The following BCO2 variants were observed in gnomAD, a reference collection of about 807,000 sequenced individuals.
BCO2 encodes the protein carotenoid-cleaving dioxygenase, mitochondrial.
BCO2 carries 56 observed loss-of-function variants against 65.8 expected under a neutral mutation model. The observed-to-expected ratio is 0.85, with a 90% CI of 0.69 to 1.06. The LOEUF is 1.06. Ranked by LOEUF, BCO2 falls within the 50% of genes least tolerant of loss-of-function variation. The pLI, the probability that BCO2 is intolerant of heterozygous loss-of-function variation, is 0.00. For missense variants in BCO2, 675 were observed against 698.5 expected (o/e 0.97, Z 0.38); for synonymous variants, 233 against 242.3 (o/e 0.96, Z 0.36).
intron 5 of BCO2, among the ~76,000 whole-genome samples, chr11:112,199,121 C>G (rs559135226): frequency 9.1e-4 from 139 of 152,220 alleles, no homozygotes; most frequent in Middle Eastern, 3.4e-3. Context: ...TCCCCACCCC[C>G]TGAAAGGCCC....
At chr11:112,198,669 A>G (rs1174825266) in intron 5 of BCO2, among the ~76,000 whole-genome samples, 1 of 152,086 alleles carries the variant, frequency 6.6e-6, no homozygotes, top group East Asian at 1.9e-4. Context: ...CCAGTAAGCA[A>G]TAGCCAGATG....
In BCO2 at chr11:112,193,460, T is replaced by C. The variant is rs773403489; in HGVS notation, c.294-14T>C. The C allele has an allele frequency of 1.2e-6, 2 of 1,606,034 alleles. No homozygotes were observed. Among genetic ancestry groups the C allele is most frequent in the Non-Finnish European group, 1.7e-6 (2 of 1,173,142 alleles). On this transcript the variant is annotated splice_polypyrimidine_tract_variant and intron_variant, in intron 2 of 11. Coordinates refer to ENST00000357685, the MANE Select transcript of BCO2 (RefSeq NM_031938.7). ...TTTTCTTACTGATATTTATTTATTT[T>C]CTCCTGTTTGAAGGTACAATCATTG...
chr11:112,179,439 C>G lies in BCO2; in HGVS notation c.250C>G (p.Leu84Val), dbSNP rs760140618. 12 of 1,613,980 alleles carry G rather than the reference C, an allele frequency of 7.4e-6. No homozygotes were observed. The highest frequency in any genetic ancestry group is 1.6e-4 in the Middle Eastern group (1 of 6,084). Residue 84 changes from leucine (L) to valine (V), a missense_variant, in exon 2 of 12, where the codon CTA becomes GTA. By Grantham distance (32) the Leu-to-Val change is conservative. Coordinates refer to ENST00000357685, the MANE Select transcript of BCO2 (RefSeq NM_031938.7). ...TTTTCCTAAGTGGCTCAATGGCTCT[C>G]TACTTCGAATTGGACCTGGGAAATT... The part of the protein sequence containing the change: ...GHFPKWLNGS[L>V]LRIGPGKFEF...
chr11:112,179,655 T>C lies in BCO2; in HGVS notation c.293+173T>C. The stretch of plus-strand genomic sequence containing the variant: ...GAAAGGAGACTTTTTAAACAAAATG[T>C]CCTGCTTTTTCTGCTCTGTAGACTA... On this transcript the variant is annotated intron_variant, in intron 2 of 11. Coordinates refer to ENST00000357685, the MANE Select transcript of BCO2 (RefSeq NM_031938.7). 6 of 642,206 alleles carry C rather than the reference T, an allele frequency of 9.3e-6. No homozygotes were observed. In the South Asian group the frequency reaches 9.9e-5, roughly 11 times the overall value. The allele number at this position is 642,206 out of a possible 1,614,324, so 39.8% of individuals were successfully genotyped here. A position where few individuals can be genotyped will look rare whatever the true frequency, so the allele number is the denominator to read the frequency against.
At chr11:112,194,267 G>A (rs959431900) in intron 4 of BCO2, 3 of 430,004 alleles carry the variant, frequency 7.0e-6, no homozygotes, top group Non-Finnish European at 4.2e-6. Context: ...TGGCTAGTTG[G>A]GGTGTTCTTC....
At chr11:112,187,060 T>C (rs1867221241) in intron 2 of BCO2, among the ~76,000 whole-genome samples, 1 of 152,154 alleles carries the variant, frequency 6.6e-6, no homozygotes, top group East Asian at 1.9e-4. Context: ...ACAGAATTTC[T>C]CCACCCCTGA....
At chr11:112,194,810 A>T (rs1867522372) in intron 5 of BCO2, 55 bp downstream of exon 5, 2 of 1,262,038 alleles carry the variant, frequency 1.6e-6, no homozygotes, top group Non-Finnish European at 2.3e-6. Flanking sequence ...CACGGTGTGT[A>T]TATAAAGATG....
At chr11:112,179,703 G>A (rs1866980166) in intron 2 of BCO2, 1 of 534,286 alleles carries the variant, frequency 1.9e-6, no homozygotes, top group African/African-American at 1.9e-5. Flanking sequence ...AGCCCTCTGT[G>A]GTTTGTACCA....
At chr11:112,178,018 T>G (rs983847748) in intron 1 of BCO2, among the ~76,000 whole-genome samples, 6 of 149,654 alleles carry the variant, frequency 4.0e-5, no homozygotes, top group African/African-American at 1.5e-4. Context: ...AATGCGATTC[T>G]CCTGCCTCAG....
chr11:112,206,837 A>G (rs1350793374), intron 8 of BCO2, among the ~76,000 whole-genome samples: 1 of 152,224 alleles, frequency 6.6e-6, no homozygotes, highest in East Asian at 1.9e-4. Context: ...CTTCCAATCC[A>G]TGAACATGGA....
chr11:112,198,039 C>T (rs1867629147), intron 5 of BCO2, among the ~76,000 whole-genome samples: 2 of 152,224 alleles, frequency 1.3e-5, no homozygotes, highest in Non-Finnish European at 2.9e-5. Context: ...ACAGTAGCCC[C>T]TACTCCTCAT....
intron 8 of BCO2, 85 bp downstream of exon 8, chr11:112,202,275 C>G: frequency 8.6e-7 from 1 of 1,168,846 alleles, no homozygotes; most frequent in Non-Finnish European, 1.2e-6. Flanking sequence ...ATGTTTCTCT[C>G]TCTCTCTCTC....
chr11:112,201,356 G>T (rs1450666623), intron 7 of BCO2, among the ~76,000 whole-genome samples: 1 of 151,800 alleles, frequency 6.6e-6, no homozygotes, highest in Non-Finnish European at 1.5e-5. Context: ...CACCATATTG[G>T]CCAGGATGGT....
In BCO2 at chr11:112,217,901, A is replaced by C; in HGVS notation, c.*27A>C. The C allele has an allele frequency of 6.7e-7, 1 of 1,498,632 alleles. No homozygotes were observed. 92.8% of individuals were successfully genotyped at this position (1,498,632 alleles called of 1,614,324 possible). On this transcript the variant is annotated 3_prime_UTR_variant, in exon 12 of 12. Coordinates refer to ENST00000357685, the MANE Select transcript of BCO2 (RefSeq NM_031938.7). ...GGGACAACCACAAGGTCTGGAAACTAGGTTTAAAATAAGTGTGCACTTGGA... is the reference window on the plus strand; with the variant it reads ...GGGACAACCACAAGGTCTGGAAACTCGGTTTAAAATAAGTGTGCACTTGGA...
intron 9 of BCO2, 108 bp downstream of exon 9, chr11:112,213,969 A>G (rs1859585836): frequency 1.1e-6 from 1 of 948,204 alleles, no homozygotes; most frequent in Non-Finnish European, 1.5e-6. Context: ...TATAACATTC[A>G]TCCGAGCAGG....
rs778243985 is a variant in BCO2 at position 112,202,179 on chromosome 11, G to C, written c.1183G>C (p.Gly395Arg). ...QLQNLRKAGE[G>R]LDQVHNSAAK... ...ACAGAATCTCAGGAAGGCTGGGGAA[G>C]GGCTTGATCAGGTAAACATTAGAAT... is the stretch of plus-strand genomic sequence containing the variant. The change falls in exon 8 of 12, where the codon GGG becomes CGG. Residue 395 changes from glycine to arginine, a missense_variant. Physicochemically the swap from Gly to Arg is moderately radical, Grantham distance 125. Coordinates refer to ENST00000357685, the MANE Select transcript of BCO2 (RefSeq NM_031938.7). 1 of 1,608,508 alleles carries C rather than the reference G, an allele frequency of 6.2e-7. No homozygotes were observed. Among genetic ancestry groups the C allele is most frequent in the South Asian group, 1.1e-5 (1 of 89,852 alleles).
rs1349258106 is a variant in BCO2 at position 112,202,092 on chromosome 11, G to A, written c.1096G>A (p.Gly366Ser). 2 of 1,613,758 alleles carry A rather than the reference G, an allele frequency of 1.2e-6. No individual in the cohort carries two copies. The highest frequency in any genetic ancestry group is 1.3e-5 in the African/African-American group (1 of 74,894). The change falls in exon 8 of 12, where the codon GGC becomes AGC. Residue 366 changes from glycine to serine, a missense_variant. Gly to Ser is a moderately conservative substitution (Grantham distance 56). Coordinates refer to ENST00000357685, the MANE Select transcript of BCO2 (RefSeq NM_031938.7). ...FHQINAFEDQ[G>S]CVIIDLCCQD... ...TCAAATCAATGCCTTTGAGGACCAGGGCTGTGTTATAATTGATTTGTGCTG... is the reference window on the plus strand; with the variant it reads ...TCAAATCAATGCCTTTGAGGACCAGAGCTGTGTTATAATTGATTTGTGCTG...
At chr11:112,195,524 C>A (rs1313476086) in intron 5 of BCO2, among the ~76,000 whole-genome samples, 1 of 152,032 alleles carries the variant, frequency 6.6e-6, no homozygotes, top group East Asian at 1.9e-4. Flanking sequence ...CTCACTGCAA[C>A]CTCCACCTCC....
At chr11:112,188,606 T>G (rs1292710921) in intron 2 of BCO2, among the ~76,000 whole-genome samples, 1 of 152,178 alleles carries the variant, frequency 6.6e-6, no homozygotes, top group Non-Finnish European at 1.5e-5. Flanking sequence ...ACTATATGTC[T>G]TCTGACCCTT....
Sources: allele counts gnomAD v4.1 joint callset (sites outside exome capture counted in the v4.1 genomes callset), GRCh38; gene constraint gnomAD v4.1.1; transcripts MANE v1.5; gene names NCBI Gene and HGNC (gene_info 2026-07-23, HGNC 2026-07-21).